Variants in TPCN2 observed in about 807,000 individuals in gnomAD.
TPCN2 encodes two pore segment channel 2, also known as two pore channel protein 2.
Under a neutral mutation model 111.4 loss-of-function variants are expected in TPCN2, and 92 were observed. The ratio of observed to expected loss-of-function variants is 0.83; its 90% CI spans 0.70 to 0.98. The LOEUF is 0.98. TPCN2 is among the 50% of genes least tolerant of loss of function. TPCN2 has a pLI of 0.00. For synonymous variants in TPCN2, 405 were observed against 414.5 expected, an observed-to-expected ratio of 0.98 and a Z score of 0.28; for missense variants, 995 against 980.1, an observed-to-expected ratio of 1.02 and a Z score of -0.20.
At chr11:69,057,480 C>G in intron 4 of TPCN2, 98 bp from the exon 5 acceptor site, 1 of 1,160,034 alleles carries the variant, frequency 8.6e-7, no homozygotes, top group Non-Finnish European at 1.3e-6. Context: ...GCGCACCCTG[C>G]TCTGGTCGCC....
At chr11:69,087,285 G>C in intron 24 of TPCN2, 79 bp downstream of exon 24, 1 of 1,276,426 alleles carries the variant, frequency 7.8e-7, no homozygotes, top group Admixed American at 1.9e-5. Context: ...GGGTTGAGGC[G>C]GCGGGCAGGC....
chr11:69,088,146 G>T lies in TPCN2; in HGVS notation c.*193G>T. The T allele has an allele frequency of 1.8e-6, 1 of 565,962 alleles. No homozygotes were observed. The allele number at this position is 565,962 out of a possible 1,614,324, so 35.1% of individuals were successfully genotyped here. A position where few individuals can be genotyped will look rare whatever the true frequency, so the allele number is the denominator to read the frequency against. On this transcript the variant is annotated 3_prime_UTR_variant, in exon 25 of 25. Coordinates refer to ENST00000294309, the MANE Select transcript of TPCN2 (RefSeq NM_139075.4). ...ACAACCATCTACAGAACAGCTGCTG[G>T]TGCTTCAGGGAGGCGCCGTGCCCTC... is the stretch of plus-strand genomic sequence containing the variant.
chr11:69,087,107 G>T lies in TPCN2; in HGVS notation c.2086-5G>T. On this transcript the variant is annotated splice_polypyrimidine_tract_variant and splice_region_variant and intron_variant, in intron 23 of 24. Coordinates refer to ENST00000294309, the MANE Select transcript of TPCN2 (RefSeq NM_139075.4). ...CACTCACTGGCCACTCCTCCTGCTT[G>T]CCAGAACTTCCTTCACAAGTGGGAC... is the stretch of plus-strand genomic sequence containing the variant. 1 of 1,613,524 alleles carries T rather than the reference G, an allele frequency of 6.2e-7. No homozygotes were observed.
intron 5 of TPCN2, among the ~76,000 whole-genome samples, chr11:69,058,684 G>A (rs1179165116): frequency 3.9e-5 from 6 of 152,220 alleles, no homozygotes; most frequent in African/African-American, 1.2e-4. Context: ...ACGGCAGAGC[G>A]GAAGGGTGGC....
intron 6 of TPCN2, 100 bp downstream of exon 6, chr11:69,063,090 C>A: frequency 9.7e-7 from 1 of 1,026,002 alleles, no homozygotes; most frequent in Non-Finnish European, 1.5e-6. Context: ...TCATCTTGGA[C>A]TGCGTGCTCC....
At chr11:69,066,261 T>C (rs1280910434) in intron 7 of TPCN2, among the ~76,000 whole-genome samples, 1 of 152,048 alleles carries the variant, frequency 6.6e-6, no homozygotes, top group African/African-American at 2.4e-5. Context: ...CGGTGACTGC[T>C]GGAGGCCAGC....
At chr11:69,084,886 C>A in intron 19 of TPCN2, 1 of 860,936 alleles carries the variant, frequency 1.2e-6, no homozygotes, top group Non-Finnish European at 1.4e-6. Flanking sequence ...TTCCACTCTG[C>A]TGACGCATGT....
At chr11:69,063,225 C>A (rs569040791) in intron 6 of TPCN2, among the ~76,000 whole-genome samples, 2 of 151,710 alleles carry the variant, frequency 1.3e-5, no homozygotes, top group Admixed American at 1.3e-4. Flanking sequence ...CTGCAAACAC[C>A]GCGGCCCCAG....
intron 7 of TPCN2, among the ~76,000 whole-genome samples, chr11:69,064,921 C>T (rs949221576): frequency 3.3e-5 from 5 of 149,412 alleles, no homozygotes; most frequent in Non-Finnish European, 3.0e-5. Context: ...TGCATGGTGT[C>T]TGTATGTCTG....
intron 18 of TPCN2, chr11:69,083,264 T>C (rs1856122886): frequency 6.5e-6 from 1 of 152,954 alleles, no homozygotes; most frequent in South Asian, 2.1e-4. Flanking sequence ...CCAGGACCTC[T>C]CACGTGAGTA....
chr11:69,086,408 G>C (rs1656798585), intron 22 of TPCN2, 115 bp from the exon 23 acceptor site: 1 of 837,112 alleles, frequency 1.2e-6, no homozygotes, highest in South Asian at 1.4e-5. Flanking sequence ...TCTGCATCAT[G>C]GTGTGTGTGG....
Position 69,089,229 on chromosome 11 carries a change from T to TACTCGTGTTGAATAATAACAATATTCA in TPCN2, c.*1299_*1300insTTCAACTCGTGTTGAATAATAACAATA. On this transcript the variant is annotated 3_prime_UTR_variant, in exon 25 of 25. Transcript: ENST00000294309. ...AAGGAGAAGGTCATGAGTTTCTTTT[T>TACTCGTGTTGAATAATAACAATATTCA]ACTCGTGTTGAATAATAACAATAAC... 6.7e-6 allele frequency: 1 copy of TACTCGTGTTGAATAATAACAATATTCA among 148,450 alleles called. No individual in the cohort carries two copies. The highest frequency in any genetic ancestry group is 2.5e-5 in the African/African-American group (1 of 40,270). The allele number at this position is 148,450 out of a possible 1,614,324, so 9.2% of individuals were successfully genotyped here. A position where few individuals can be genotyped will look rare whatever the true frequency, so the allele number is the denominator to read the frequency against.
Position 69,088,178 on chromosome 11 carries a change from C to T in TPCN2, c.*225C>T. 5.6e-6 allele frequency: 3 copies of T among 537,080 alleles called. No homozygotes were observed. Among genetic ancestry groups the T allele is most frequent in the Non-Finnish European group, 1.0e-5 (3 of 300,896 alleles). The allele number at this position is 537,080 out of a possible 1,614,324, so 33.3% of individuals were successfully genotyped here. A position where few individuals can be genotyped will look rare whatever the true frequency, so the allele number is the denominator to read the frequency against. ...AGGGAGGCGCCGTGCCCTCCGCTTT[C>T]TTTTATAGCTGCTTCAGTGAGAATT... On this transcript the variant is annotated 3_prime_UTR_variant, in exon 25 of 25. Coordinates refer to ENST00000294309, the MANE Select transcript of TPCN2 (RefSeq NM_139075.4).
chr11:69,088,677 A>G lies in TPCN2; in HGVS notation c.*724A>G, dbSNP rs1208462814. On this transcript the variant is annotated 3_prime_UTR_variant, in exon 25 of 25. Coordinates refer to ENST00000294309, the MANE Select transcript of TPCN2 (RefSeq NM_139075.4). Reference sequence around the variant, plus strand: ...CACCTTTTCTGTTTTGCTCAAAGGCATGTATAAGCCAATGGGTGACCTTAT... The same window carrying G: ...CACCTTTTCTGTTTTGCTCAAAGGCGTGTATAAGCCAATGGGTGACCTTAT... The G allele has an allele frequency of 6.8e-6, 1 of 147,568 alleles. No homozygotes were observed. 9.1% of individuals were successfully genotyped at this position (147,568 alleles called of 1,614,324 possible). A position where few individuals can be genotyped will look rare whatever the true frequency, so the allele number is the denominator to read the frequency against.
intron 11 of TPCN2, among the ~76,000 whole-genome samples, chr11:69,072,403 G>GGA (rs1855577032): frequency 6.6e-6 from 1 of 152,076 alleles, no homozygotes; most frequent in African/African-American, 2.4e-5. Context: ...ACATTGCAGT[G>GGA]GAAAGTTCTG....
intron 17 of TPCN2, among the ~76,000 whole-genome samples, chr11:69,080,770 G>A (rs1855972914): frequency 6.6e-6 from 1 of 152,254 alleles, no homozygotes; most frequent in East Asian, 1.9e-4. Flanking sequence ...GTGCCGTGGG[G>A]CTGGCATTGC....
intron 22 of TPCN2, among the ~76,000 whole-genome samples, 170 bp downstream of exon 22, chr11:69,086,100 C>G (rs532102342): frequency 1.3e-5 from 2 of 152,234 alleles, no homozygotes; most frequent in Non-Finnish European, 2.9e-5. Flanking sequence ...TGTCCCTGCC[C>G]CCTGCATAGC....
intron 1 of TPCN2, among the ~76,000 whole-genome samples, chr11:69,053,115 G>A (rs1861305174): frequency 6.6e-6 from 1 of 152,242 alleles, no homozygotes; most frequent in Non-Finnish European, 1.5e-5. Flanking sequence ...GGGCTTGTGA[G>A]CAGGCCAGGG....
At chr11:69,063,750 G>A (rs992378102) in intron 6 of TPCN2, 145 bp from the exon 7 acceptor site, 9 of 708,128 alleles carry the variant, frequency 1.3e-5, no homozygotes, top group Middle Eastern at 3.8e-4. Context: ...CAAGGCCCTC[G>A]GGGAGAGGGG....
Sources: allele counts gnomAD v4.1 joint callset (sites outside exome capture counted in the v4.1 genomes callset), GRCh38; gene constraint gnomAD v4.1.1; transcripts MANE v1.5; gene names NCBI Gene and HGNC (gene_info 2026-07-23, HGNC 2026-07-21).